ANKS1A: variants seen among roughly 807,000 people sequenced by gnomAD.
ANKS1A encodes ankyrin repeat and sterile alpha motif domain containing 1A.
In ANKS1A, 55 loss-of-function variants were observed where a neutral mutation model predicts 120.3. The observed-to-expected ratio is 0.46, with a 90% CI of 0.37 to 0.57. ANKS1A has a LOEUF of 0.57. Ranked by LOEUF, ANKS1A falls within the 20% of genes least tolerant of loss-of-function variation. ANKS1A has a pLI of 0.00. For synonymous variants in ANKS1A, 590 were observed against 604.7 expected (o/e 0.98, Z 0.36); for missense variants, 1,123 against 1,480.3 (o/e 0.76, Z 3.96).
chr6:35,066,788 C>G (rs1776797935), intron 13 of ANKS1A, among the ~76,000 whole-genome samples: 1 of 152,130 alleles, frequency 6.6e-6, no homozygotes, highest in Non-Finnish European at 1.5e-5. Context: ...AAGCAGAGAG[C>G]TGTGGGTGGG....
chr6:34,967,214 T>G (rs781221575), intron 1 of ANKS1A, 25 bp from the exon 2 acceptor site: 2 of 1,604,512 alleles, frequency 1.2e-6, no homozygotes, highest in Non-Finnish European at 1.7e-6. Flanking sequence ...AATCTATGTC[T>G]CTCTCTTTTT....
intron 13 of ANKS1A, among the ~76,000 whole-genome samples, chr6:35,067,283 C>G (rs1419889616): frequency 6.6e-6 from 1 of 152,278 alleles, no homozygotes; most frequent in South Asian, 2.1e-4. Flanking sequence ...TGCCCTGGGA[C>G]TGGGAGGAAA....
intron 1 of ANKS1A, among the ~76,000 whole-genome samples, chr6:34,895,682 A>G (rs1767032900): frequency 6.6e-6 from 1 of 152,136 alleles, no homozygotes; most frequent in Admixed American, 6.5e-5. Context: ...AGAATGCAAA[A>G]ACAAGATAAA....
chr6:34,959,811 T>G (rs1002424791), intron 1 of ANKS1A, among the ~76,000 whole-genome samples: 2 of 152,330 alleles, frequency 1.3e-5, no homozygotes, highest in South Asian at 4.1e-4. Flanking sequence ...CTATGAGTGT[T>G]GATGGATTTT....
intron 1 of ANKS1A, among the ~76,000 whole-genome samples, chr6:34,940,814 G>T (rs780444703): frequency 6.6e-6 from 1 of 151,412 alleles, no homozygotes; most frequent in Non-Finnish European, 1.5e-5. Flanking sequence ...AGGCTGAGGC[G>T]GGAGAATCGC....
At chr6:34,939,716 C>CAA (rs59762250) in intron 1 of ANKS1A, among the ~76,000 whole-genome samples, 3 of 140,760 alleles carry the variant, frequency 2.1e-5, no homozygotes, top group African/African-American at 7.8e-5. Context: ...CTGTCTCTTT[C>CAA]AAAAAAAAAA....
chr6:34,989,084 A>G, intron 8 of ANKS1A, 140 bp from the exon 9 acceptor site: 5 of 637,318 alleles, frequency 7.8e-6, no homozygotes, highest in Non-Finnish European at 1.3e-5. Context: ...ATCTGTTCAG[A>G]GACGAAACCT....
rs577109157 is a variant in ANKS1A at position 35,045,381 on chromosome 6, A to G, written c.2011-8718A>G. Among the ~76,000 whole-genome samples, 4 of 152,356 alleles carry G rather than the reference A, an allele frequency of 2.6e-5. No homozygotes were observed. In the South Asian group the frequency reaches 6.2e-4, roughly 24 times the overall value. ...GTCATTTGTCCATAGCAATGATCCCATGAGTGACGACTTTTTTTCACCTTA... is the reference window on the plus strand; with the variant it reads ...GTCATTTGTCCATAGCAATGATCCCGTGAGTGACGACTTTTTTTCACCTTA... On this transcript the variant is annotated intron_variant, in intron 11 of 23. Transcript: ENST00000360359.
intron 11 of ANKS1A, among the ~76,000 whole-genome samples, chr6:35,039,099 G>T (rs1384988105): frequency 6.6e-6 from 1 of 151,034 alleles, no homozygotes; most frequent in Non-Finnish European, 1.5e-5. Context: ...TGTGGGGGGG[G>T]GTTATATGCA....
At chr6:34,951,671 G>A (rs759582781) in intron 1 of ANKS1A, among the ~76,000 whole-genome samples, 17 of 152,048 alleles carry the variant, frequency 1.1e-4, no homozygotes, top group Non-Finnish European at 2.5e-4. Flanking sequence ...GAAAATTCTT[G>A]TCATTTTAAT....
intron 23 of ANKS1A, 70 bp downstream of exon 23, chr6:35,087,119 C>A: frequency 2.0e-6 from 3 of 1,469,542 alleles, no homozygotes; most frequent in South Asian, 1.1e-5. Flanking sequence ...CTTTGCCATC[C>A]GATCTTTCTG....
intron 1 of ANKS1A, among the ~76,000 whole-genome samples, chr6:34,931,232 C>T (rs1427450330): frequency 1.3e-5 from 2 of 149,892 alleles, no homozygotes; most frequent in African/African-American, 2.5e-5. Flanking sequence ...CTGCAACCTT[C>T]GCCTCCCAGG....
chr6:35,061,306 C>T (rs886791853), intron 13 of ANKS1A, among the ~76,000 whole-genome samples: 10 of 152,182 alleles, frequency 6.6e-5, no homozygotes, highest in Admixed American at 1.3e-4. Context: ...GGGATGGGGG[C>T]GTGGCCACCT....
chr6:35,004,151 C>T (rs1581630274), intron 10 of ANKS1A, among the ~76,000 whole-genome samples: 1 of 151,984 alleles, frequency 6.6e-6, no homozygotes, highest in East Asian at 1.9e-4. Flanking sequence ...ACACGGACCC[C>T]CCCTTAGAGT....
intron 8 of ANKS1A, 115 bp from the exon 9 acceptor site, chr6:34,989,109 C>T (rs906360708): frequency 4.2e-5 from 35 of 835,288 alleles, no homozygotes; most frequent in Admixed American, 4.1e-4. Flanking sequence ...TTTAGTCTCT[C>T]AGGGGAGTTC....
In ANKS1A at chr6:35,064,518, C is replaced by A. The variant is rs1260990775; in HGVS notation, c.2184+4265C>A. Among the ~76,000 whole-genome samples, 3 of 152,156 alleles carry A rather than the reference C, an allele frequency of 2.0e-5. No homozygotes were observed. The East Asian group carries it at 5.8e-4, about 29-fold the overall frequency. ...GAGAGGCCAAAGGCATAAGCTGGGG[C>A]CAAGAGGTTCTTCTACTGGCTTCTT... is the stretch of plus-strand genomic sequence containing the variant. On this transcript the variant is annotated intron_variant, in intron 13 of 23. Transcript: ENST00000360359.
At chr6:34,999,832 G>GCC (rs1773062471) in intron 10 of ANKS1A, among the ~76,000 whole-genome samples, 1 of 151,952 alleles carries the variant, frequency 6.6e-6, no homozygotes, top group Non-Finnish European at 1.5e-5. Flanking sequence ...GACCAGCAGA[G>GCC]AGAAAGAGAG....
In ANKS1A at chr6:34,982,655, A is replaced by T; in HGVS notation, c.733-97A>T. On this transcript the variant is annotated intron_variant, in intron 4 of 23. Coordinates refer to ENST00000360359, the MANE Select transcript of ANKS1A (RefSeq NM_015245.3). The surrounding 1 kb of genome is among the most constrained non-coding windows in gnomAD (Gnocchi z 4.9). ...CAGAGGGCTTTGTGTAGTTTGTTTT[A>T]TTTTGTGTCCCTTCTTGTCTGTGTC... is the stretch of plus-strand genomic sequence containing the variant. 8.0e-7 allele frequency: 1 copy of T among 1,255,554 alleles called. No individual in the cohort carries two copies. The highest frequency in any genetic ancestry group is 2.3e-5 in the East Asian group (1 of 42,638). 77.8% of individuals were successfully genotyped at this position (1,255,554 alleles called of 1,614,324 possible).
intron 13 of ANKS1A, among the ~76,000 whole-genome samples, chr6:35,063,932 G>A (rs971854692): frequency 6.6e-6 from 1 of 152,244 alleles, no homozygotes; most frequent in Non-Finnish European, 1.5e-5. Context: ...GGGTTCTGCT[G>A]TCTGTCCCAG....
Sources: allele counts gnomAD v4.1 joint callset (sites outside exome capture counted in the v4.1 genomes callset), GRCh38; gene constraint gnomAD v4.1.1; non-coding constraint Gnocchi (gnomAD v3.1); transcripts MANE v1.5; gene names NCBI Gene and HGNC (gene_info 2026-07-23, HGNC 2026-07-21).